Variants in USP34 observed in about 807,000 individuals in gnomAD.
USP34 encodes the protein ubiquitin specific peptidase 34.
A neutral mutation model predicts 460.3 loss-of-function variants in USP34; 70 were observed. The ratio of observed to expected loss-of-function variants is 0.15; its 90% CI spans 0.13 to 0.19. USP34 has a LOEUF of 0.19. Among genes scored for constraint, USP34 ranks in the 10% least tolerant of loss-of-function variants. The pLI, the probability that USP34 is intolerant of heterozygous loss-of-function variation, is 1.00. For missense variants in USP34, 3,985 were observed against 4,236.2 expected, an observed-to-expected ratio of 0.94 and a Z score of 1.65; for synonymous variants, 1,647 against 1,405.3, an observed-to-expected ratio of 1.17 and a Z score of -3.85.
intron 25 of USP34, 135 bp downstream of exon 25, chr2:61,314,450 C>T: frequency 1.4e-6 from 1 of 739,236 alleles, no homozygotes. Context: ...ACTTATGTTA[C>T]TGATCCTTCA....
chr2:61,348,382 A>T lies in USP34; in HGVS notation c.1773T>A (p.Asn591Lys). The change falls in exon 15 of 80, where the codon AAT (asparagine) becomes AAA (lysine). Residue 591 changes from asparagine (N) to lysine (K), a missense_variant. This residue lies in a region of USP34 where 716 missense variants were observed against 626.2 expected (regional missense o/e 1.14). Coordinates refer to ENST00000398571, the MANE Select transcript of USP34 (RefSeq NM_014709.4). ...GGCTTGCGTGGCTAGAATTAACCTC[A>T]TTGCTAGATCCATCACTATGCCCAC... ...SSSGHSDGSS[N>K]EVNSSHASQS... The T allele has an allele frequency of 6.2e-7, 1 of 1,613,980 alleles. No homozygotes were observed. The highest frequency in any genetic ancestry group is 8.5e-7 in the Non-Finnish European group (1 of 1,180,026).
intron 48 of USP34, among the ~76,000 whole-genome samples, 191 bp downstream of exon 48, chr2:61,256,193 C>T (rs1329275708): frequency 4.6e-5 from 7 of 152,142 alleles, no homozygotes; most frequent in Non-Finnish European, 8.8e-5. Context: ...TTTCATACAG[C>T]TCAGTATATG....
chr2:61,327,379 T>C (rs1691128340), intron 20 of USP34, among the ~76,000 whole-genome samples: 1 of 152,196 alleles, frequency 6.6e-6, no homozygotes, highest in Non-Finnish European at 1.5e-5. Context: ...TCTCAGACTA[T>C]AAGGCAACCC....
At chr2:61,399,874 C>CAA (rs529141667) in intron 3 of USP34, among the ~76,000 whole-genome samples, 8 of 69,978 alleles carry the variant, frequency 1.1e-4, no homozygotes, top group East Asian at 1.0e-3. Flanking sequence ...CACTGTCTCC[C>CAA]AAAAAAAAAA....
At chr2:61,229,683 A>C (rs1443580398) in intron 58 of USP34, 50 bp from the exon 59 acceptor site, 1 of 1,487,692 alleles carries the variant, frequency 6.7e-7, no homozygotes, top group Admixed American at 1.9e-5. Flanking sequence ...CAGGTAACAA[A>C]GATTTGAAAA....
At chr2:61,299,771 T>C (rs956451301) in intron 29 of USP34, among the ~76,000 whole-genome samples, 1 of 151,952 alleles carries the variant, frequency 6.6e-6, no homozygotes, top group African/African-American at 2.4e-5. Flanking sequence ...AAAATAATAA[T>C]AAAATAAATG....
intron 53 of USP34, among the ~76,000 whole-genome samples, chr2:61,239,295 C>A (rs1427551726): frequency 2.3e-5 from 3 of 131,284 alleles, no homozygotes; most frequent in Admixed American, 8.5e-5. Context: ...TAAATGAGGG[C>A]CCTGTCACAC....
intron 16 of USP34, 87 bp downstream of exon 16, chr2:61,343,728 C>A: frequency 1.4e-6 from 2 of 1,395,322 alleles, no homozygotes; most frequent in Non-Finnish European, 2.0e-6. Flanking sequence ...GTACCATAAC[C>A]TTAACTATTG....
chr2:61,463,065 T>C (rs1182290112), intron 1 of USP34, among the ~76,000 whole-genome samples: 1 of 152,124 alleles, frequency 6.6e-6, no homozygotes, highest in African/African-American at 2.4e-5. Context: ...TTAGATTAAA[T>C]GTCTACTGAA....
rs546465834 is a variant in USP34, at chr2:61,248,835, C to A, written c.6222-152G>T. 3.4e-5 allele frequency: 22 copies of A among 643,032 alleles called. No individual in the cohort carries two copies. The African/African-American group carries it at 4.0e-4, about 12-fold the overall frequency. The allele number at this position is 643,032 out of a possible 1,614,324, so 39.8% of individuals were successfully genotyped here. The stretch of plus-strand genomic sequence containing the variant: ...CCACAGGGGATACCTTCTGAGAACA[C>A]CCCGTGTCTGCCTGAAACTGAGGAC... On this transcript the variant is annotated intron_variant, in intron 48 of 79. Coordinates refer to ENST00000398571, the MANE Select transcript of USP34 (RefSeq NM_014709.4).
chr2:61,242,040 T>C (rs1392523513), intron 51 of USP34, among the ~76,000 whole-genome samples: 3 of 152,084 alleles, frequency 2.0e-5, no homozygotes, highest in Non-Finnish European at 2.9e-5. Context: ...TATTTTTAGA[T>C]AGAGAACACT....
chr2:61,256,649 T>C (rs114278409), intron 47 of USP34, among the ~76,000 whole-genome samples, 171 bp from the exon 48 acceptor site: 1,790 of 152,238 alleles, frequency 0.012, 34 homozygotes, highest in African/African-American at 0.041. Context: ...AGATATTCTA[T>C]GAATCTTAGT....
In USP34 at chr2:61,348,800, T is replaced by C. The variant is rs1167480561; in HGVS notation, c.1630A>G (p.Ile544Val). 1.4e-5 allele frequency: 22 copies of C among 1,613,806 alleles called. No homozygotes were observed. The highest frequency in any genetic ancestry group is 1.7e-5 in the Non-Finnish European group (20 of 1,179,916). Residue 544 changes from isoleucine (I) to valine (V), a missense_variant, in exon 14 of 80, where the codon ATT becomes GTT. Physicochemically the swap from Ile to Val is conservative, Grantham distance 29. Transcript: ENST00000398571. ...TGTTGCACATGTTTGGTTCTATTAA[T>C]AAGTTGCTCATCCATTTCAATGTCA... Reference protein sequence around the residue: ...GSDIEMDEQLINRTKHVQQRL... With the variant: ...GSDIEMDEQLVNRTKHVQQRL...
At chr2:61,238,324 C>A (rs548132748) in intron 53 of USP34, among the ~76,000 whole-genome samples, 1 of 152,272 alleles carries the variant, frequency 6.6e-6, no homozygotes, top group African/African-American at 2.4e-5. Flanking sequence ...CCTTCCTAGG[C>A]AATTTGTACA....
rs779747049 is a variant in USP34 at position 61,383,382 on chromosome 2, T to C, written c.754-46A>G. 65 of 1,336,360 alleles carry C rather than the reference T, an allele frequency of 4.9e-5. No individual in the cohort carries two copies. In the South Asian group the frequency reaches 7.2e-4, roughly 15 times the overall value. The allele number at this position is 1,336,360 out of a possible 1,614,324, so 82.8% of individuals were successfully genotyped here. ...CAACATTAATGCCTAATATGTGAAA[T>C]ACATATATCTTTCACTAAACTAATG... On this transcript the variant is annotated intron_variant, in intron 5 of 79. Coordinates refer to ENST00000398571, the MANE Select transcript of USP34 (RefSeq NM_014709.4).
chr2:61,299,081 T>C (rs549273814), intron 29 of USP34, among the ~76,000 whole-genome samples: 2 of 151,886 alleles, frequency 1.3e-5, no homozygotes, highest in Admixed American at 6.6e-5. Flanking sequence ...GGGCACCTAT[T>C]AATGATTATT....
At chr2:61,335,678 G>T (rs1045323174) in intron 18 of USP34, among the ~76,000 whole-genome samples, 2 of 152,222 alleles carry the variant, frequency 1.3e-5, no homozygotes, top group Non-Finnish European at 2.9e-5. Context: ...GAGCCTGGGA[G>T]GCGGAGGTTA....
At chr2:61,377,857 G>A (rs1299164069) in intron 8 of USP34, among the ~76,000 whole-genome samples, 1 of 152,162 alleles carries the variant, frequency 6.6e-6, no homozygotes, top group African/African-American at 2.4e-5. Flanking sequence ...GTGACAAATA[G>A]TACTATATGT....
At chr2:61,226,495 A>T (rs1687734567) in intron 62 of USP34, among the ~76,000 whole-genome samples, 1 of 152,176 alleles carries the variant, frequency 6.6e-6, no homozygotes, top group Admixed American at 6.5e-5. Context: ...GCATTCCCTT[A>T]AAAAGTAGGA....
Sources: allele counts gnomAD v4.1 joint callset (sites outside exome capture counted in the v4.1 genomes callset), GRCh38; gene constraint gnomAD v4.1.1; regional missense constraint gnomAD v4.1.1; transcripts MANE v1.5; gene names NCBI Gene and HGNC (gene_info 2026-07-23, HGNC 2026-07-21).